SUGCT: variants seen among roughly 807,000 people sequenced by gnomAD.
The protein encoded by SUGCT is succinyl-CoA:glutarate CoA-transferase.
In SUGCT, 41 loss-of-function variants were observed where a neutral mutation model predicts 55.0. The ratio of observed to expected loss-of-function variants is 0.74; its 90% confidence interval spans 0.58 to 0.97. The LOEUF (loss-of-function observed/expected upper bound fraction) is 0.97. Ranked by LOEUF, SUGCT falls within the 50% of genes least tolerant of loss-of-function variation. The pLI is 0.00. For missense variants in SUGCT, 568 were observed against 547.8 expected, an observed-to-expected ratio of 1.04 and a Z score of -0.37; for synonymous variants, 187 against 200.4, an observed-to-expected ratio of 0.93 and a Z score of 0.56.
At chr7:40,887,886 C>T in the SUGCT span, among the ~76,000 whole-genome samples, 19 of 152,040 alleles carry the variant, frequency 1.2e-4, no homozygotes, top group Non-Finnish European at 1.0e-4. Flanking sequence ...AATGTGGTAC[C>T]GGAAAGTGGG....
At chr7:40,385,196 A>G (rs140187742) in intron 9 of SUGCT, among the ~76,000 whole-genome samples, 82 of 152,294 alleles carry the variant, frequency 5.4e-4, no homozygotes, top group African/African-American at 1.8e-3. Context: ...TAATAAAATC[A>G]TACCATGTGA....
At chr7:40,901,149 T>TA in the SUGCT span, among the ~76,000 whole-genome samples, 6 of 152,356 alleles carry the variant, frequency 3.9e-5, no homozygotes, top group Non-Finnish European at 7.3e-5. Context: ...TCAGTTGACT[T>TA]ACAGCTCTTA....
chr7:40,893,786 C>T, the SUGCT span, among the ~76,000 whole-genome samples: 1 of 152,126 alleles, frequency 6.6e-6, no homozygotes, highest in Non-Finnish European at 1.5e-5. Flanking sequence ...AGAGGCTGGG[C>T]ATGGTGGCTT....
At chr7:40,871,976 A>G in the SUGCT span, among the ~76,000 whole-genome samples, 8 of 152,156 alleles carry the variant, frequency 5.3e-5, no homozygotes, top group Non-Finnish European at 1.2e-4. Flanking sequence ...AAATTTGGCA[A>G]TGTCTGGAGA....
intron 11 of SUGCT, among the ~76,000 whole-genome samples, chr7:40,475,021 C>T (rs1347388346): frequency 1.3e-5 from 2 of 152,140 alleles, no homozygotes; most frequent in Non-Finnish European, 2.9e-5. Context: ...TTAATGAAGT[C>T]TAAGTTTTCA....
At chr7:40,275,657 C>T (rs1792419011) in intron 8 of SUGCT, among the ~76,000 whole-genome samples, 1 of 152,046 alleles carries the variant, frequency 6.6e-6, no homozygotes, top group Non-Finnish European at 1.5e-5. Flanking sequence ...GAATAAAATG[C>T]TAAATTTTAG....
At chr7:41,026,581 A>G in the SUGCT span, among the ~76,000 whole-genome samples, 3 of 152,240 alleles carry the variant, frequency 2.0e-5, no homozygotes, top group Admixed American at 1.3e-4. Flanking sequence ...AACTGAAGTT[A>G]TGGTATCTCA....
At chr7:40,367,582 C>T (rs752579551) in intron 9 of SUGCT, among the ~76,000 whole-genome samples, 24 of 151,776 alleles carry the variant, frequency 1.6e-4, no homozygotes, top group African/African-American at 1.9e-4. Context: ...ATTTTACTTC[C>T]GTAAAAGGAA....
chr7:40,757,038 A>C (rs528967758), intron 13 of SUGCT, among the ~76,000 whole-genome samples: 93 of 152,322 alleles, frequency 6.1e-4, no homozygotes, highest in Admixed American at 1.4e-3. Flanking sequence ...TCCTTAACCC[A>C]TGGCAGGGTA....
intron 9 of SUGCT, among the ~76,000 whole-genome samples, chr7:40,363,342 T>G (rs1005523070): frequency 1.3e-5 from 2 of 152,234 alleles, no homozygotes; most frequent in Non-Finnish European, 2.9e-5. Context: ...AGTTATTTCT[T>G]GCCTTCTGCT....
At chr7:40,391,017 G>A (rs1256103864) in intron 9 of SUGCT, among the ~76,000 whole-genome samples, 3 of 152,018 alleles carry the variant, frequency 2.0e-5, no homozygotes, top group South Asian at 2.1e-4. Flanking sequence ...AAACCTGACA[G>A]AAACAAGAAA....
At position 40,310,243 on chromosome 7, in the gene SUGCT, C is replaced by A. The variant is rs114890835; in HGVS notation, c.721-6517C>A. The stretch of plus-strand genomic sequence containing the variant: ...TGGTCTTTCTTTTAAAACCTCATAA[C>A]TCCAGTCTAATTATGAGTAAAACAT... On this transcript the variant is annotated intron_variant, in intron 8 of 13. Transcript: ENST00000335693. Among the ~76,000 whole-genome samples, 756 of 152,288 alleles carry A rather than the reference C, an allele frequency of 5.0e-3. 4 individuals carry two copies. The highest frequency in any genetic ancestry group is 0.018 in the African/African-American group (731 of 41,546).
chr7:40,781,810 A>G (rs910587857), intron 13 of SUGCT, among the ~76,000 whole-genome samples: 9 of 152,138 alleles, frequency 5.9e-5, no homozygotes, highest in African/African-American at 1.2e-4. Flanking sequence ...TTAACATCAA[A>G]TGGTTATCCC....
intron 9 of SUGCT, among the ~76,000 whole-genome samples, chr7:40,346,246 T>A (rs1294506343): frequency 6.6e-6 from 1 of 152,140 alleles, no homozygotes; most frequent in Non-Finnish European, 1.5e-5. Context: ...TTTCCATTTC[T>A]AAGTCAATTT....
intron 8 of SUGCT, among the ~76,000 whole-genome samples, chr7:40,297,382 A>G (rs1036646456): frequency 1.3e-5 from 2 of 152,168 alleles, no homozygotes; most frequent in African/African-American, 4.8e-5. Context: ...ACTTCAACCA[A>G]AATTAAATGA....
the SUGCT span, among the ~76,000 whole-genome samples, chr7:40,930,680 G>A: frequency 7.2e-5 from 11 of 152,140 alleles, no homozygotes; most frequent in African/African-American, 2.7e-4. Context: ...TCTCTTTGAA[G>A]CAATTGTGAA....
intron 12 of SUGCT, among the ~76,000 whole-genome samples, chr7:40,641,960 T>C (rs893828963): frequency 3.9e-5 from 6 of 152,224 alleles, no homozygotes; most frequent in Non-Finnish European, 7.3e-5. Context: ...GTGAGGTTTG[T>C]TGATGTAACC....
chr7:40,210,731 C>G (rs1166674348), intron 6 of SUGCT, among the ~76,000 whole-genome samples: 1 of 152,038 alleles, frequency 6.6e-6, no homozygotes, highest in Non-Finnish European at 1.5e-5. Flanking sequence ...AGGGTTAGAC[C>G]ACACAGGCTA....
In SUGCT at chr7:40,274,797, G is replaced by T. The variant is rs532440070; in HGVS notation, c.720+141G>T. Reference sequence around the variant, plus strand: ...ACACTGAAAACTGTTTCATTTTGATGTACTTGTTTCTTTTCTTTTTTGAGA... The same window carrying T: ...ACACTGAAAACTGTTTCATTTTGATTTACTTGTTTCTTTTCTTTTTTGAGA... On this transcript the variant is annotated intron_variant, in intron 8 of 13. Transcript: ENST00000335693. 67 of 830,518 alleles carry T rather than the reference G, an allele frequency of 8.1e-5. No individual in the cohort carries two copies. The African/African-American group carries it at 1.1e-3, about 13-fold the overall frequency. 51.4% of individuals were successfully genotyped at this position (830,518 alleles called of 1,614,324 possible). A position where few individuals can be genotyped will look rare whatever the true frequency, so the allele number is the denominator to read the frequency against.
Sources: allele counts gnomAD v4.1 joint callset (sites outside exome capture counted in the v4.1 genomes callset), GRCh38; gene constraint gnomAD v4.1.1; transcripts MANE v1.5; gene names NCBI Gene and HGNC (gene_info 2026-07-23, HGNC 2026-07-21).